PIK3R3: variants seen among roughly 807,000 people sequenced by gnomAD.
PIK3R3 encodes the protein phosphatidylinositol 3-kinase regulatory subunit gamma.
In PIK3R3, 64 loss-of-function variants were observed where a neutral mutation model predicts 62.9. That is an observed-to-expected ratio of 1.02 (90% confidence interval 0.83 to 1.25). The LOEUF is 1.25. Among genes scored for constraint, PIK3R3 ranks in the 50% most tolerant of loss-of-function variants. The pLI, the probability that PIK3R3 is intolerant of heterozygous loss-of-function variation, is 0.00. For synonymous variants in PIK3R3, 165 were observed against 189.0 expected (o/e 0.87, Z 1.04); for missense variants, 614 against 561.6 (o/e 1.09, Z -0.94).
rs1646993833 is a variant in PIK3R3 at position 46,041,388 on chromosome 1, A to T, written c.*2285T>A. 5.8e-6 allele frequency: 1 copy of T among 171,360 alleles called. No homozygotes were observed. The highest frequency in any genetic ancestry group is 1.3e-5 in the Non-Finnish European group (1 of 78,820). 10.6% of individuals were successfully genotyped at this position (171,360 alleles called of 1,614,324 possible). On this transcript the variant is annotated 3_prime_UTR_variant, in exon 10 of 10. Transcript: ENST00000262741. ...CAAGAATGAAAAAAAAAATGAAGGA[A>T]TGTAGGACTGAAAAAAAGCAGCCCT...
chr1:46,063,978 TGA>T (rs1648756958), intron 5 of PIK3R3, among the ~76,000 whole-genome samples: 1 of 151,616 alleles, frequency 6.6e-6, no homozygotes, highest in African/African-American at 2.4e-5. Flanking sequence ...TTTGGGAGGC[TGA>T]GTCGGGTCGA....
At chr1:46,156,420 C>T in the PIK3R3 span, among the ~76,000 whole-genome samples, 5 of 146,428 alleles carry the variant, frequency 3.4e-5, no homozygotes, top group Non-Finnish European at 4.4e-5. Flanking sequence ...GATCGTGCCA[C>T]TGTACTCCAG....
the PIK3R3 span, among the ~76,000 whole-genome samples, chr1:46,148,736 A>C: frequency 1.8e-4 from 26 of 146,162 alleles, no homozygotes; most frequent in Non-Finnish European, 3.4e-4. Context: ...TGCTTCTCCA[A>C]GATTTTGGAG....
chr1:46,114,757 A>G (rs909097378), intron 1 of PIK3R3, among the ~76,000 whole-genome samples: 1 of 139,716 alleles, frequency 7.2e-6, no homozygotes, highest in Admixed American at 7.6e-5. Flanking sequence ...GGCATACACC[A>G]CCAAGCCTCA....
In PIK3R3 at chr1:46,046,584, A is replaced by C; in HGVS notation, c.983T>G (p.Val328Gly). The C allele has an allele frequency of 1.2e-6, 2 of 1,613,634 alleles. No individual in the cohort carries two copies. Among genetic ancestry groups the C allele is most frequent in the South Asian group, 1.1e-5 (1 of 91,070 alleles). ...HKGVRQKRLN[V>G]WLGIKNEDAD... Reference sequence around the variant, plus strand: ...ATCCTCATTCTTAATTCCCAGCCAGACATTCAGGCGTTTCTGTCTCACTCC... The same window carrying C: ...ATCCTCATTCTTAATTCCCAGCCAGCCATTCAGGCGTTTCTGTCTCACTCC... Residue 328 changes from valine to glycine, a missense_variant, in exon 8 of 10, where the codon GTC becomes GGC. Physicochemically the swap from Val to Gly is moderately radical, Grantham distance 109. Transcript: ENST00000262741.
chr1:46,086,988 C>A (rs1157270028), intron 1 of PIK3R3, among the ~76,000 whole-genome samples: 1 of 152,086 alleles, frequency 6.6e-6, no homozygotes, highest in Admixed American at 6.5e-5. Flanking sequence ...AGGACATAAA[C>A]CATCATTCTG....
At chr1:46,051,188 C>T (rs1300671861) in intron 7 of PIK3R3, among the ~76,000 whole-genome samples, 2 of 151,576 alleles carry the variant, frequency 1.3e-5, no homozygotes, top group African/African-American at 2.4e-5. Context: ...GAACTGTATG[C>T]GATGTAAACT....
chr1:46,080,651 TC>T lies in PIK3R3; in HGVS notation c.205del (p.Asp69IlefsTer7). The T allele has an allele frequency of 3.8e-6, 6 of 1,592,510 alleles. No homozygotes were observed. The highest frequency in any genetic ancestry group is 1.3e-5 in the African/African-American group (1 of 74,450). ...GTAGCATTCTAGTTACCTTGAAATATCCCCCCAGTACCATTCTGCATCCTGA... is the reference window on the plus strand; with the variant it reads ...GTAGCATTCTAGTTACCTTGAAATATCCCCCAGTACCATTCTGCATCCTGA... ...SLQDAEWYWG[D>X]ISREEVNDKL... is the part of the protein sequence containing the mutation. On this transcript the variant is annotated frameshift_variant, in exon 2 of 10. Coordinates refer to ENST00000262741, the MANE Select transcript of PIK3R3 (RefSeq NM_003629.4). LOFTEE classifies it high-confidence loss of function.
chr1:46,053,354 T>C (rs1255638207), intron 7 of PIK3R3, among the ~76,000 whole-genome samples: 1 of 152,206 alleles, frequency 6.6e-6, no homozygotes. Context: ...ATTTAGTTTA[T>C]ACAACCCATT....
the PIK3R3 span, among the ~76,000 whole-genome samples, chr1:46,171,705 CG>C: frequency 3.3e-5 from 5 of 152,048 alleles, no homozygotes. Flanking sequence ...AGGAAAATCT[CG>C]GGGGCAGGAG....
chr1:46,050,997 A>G (rs1282817425), intron 7 of PIK3R3, among the ~76,000 whole-genome samples: 2 of 152,240 alleles, frequency 1.3e-5, no homozygotes, highest in African/African-American at 2.4e-5. Flanking sequence ...CAGAATAGAC[A>G]AATCCATAGA....
chr1:46,071,846 T>G (rs1213685291), intron 3 of PIK3R3, among the ~76,000 whole-genome samples: 1 of 147,346 alleles, frequency 6.8e-6, no homozygotes. Context: ...AAATACAAAC[T>G]CCCAAGTTTT....
At chr1:46,089,896 T>C (rs1279149965) in intron 1 of PIK3R3, among the ~76,000 whole-genome samples, 1 of 151,792 alleles carries the variant, frequency 6.6e-6, no homozygotes, top group Admixed American at 6.6e-5. Context: ...TAAATCACTA[T>C]CTTCCTTAGA....
intron 1 of PIK3R3, among the ~76,000 whole-genome samples, chr1:46,108,156 T>G (rs1334184005): frequency 6.6e-6 from 1 of 152,244 alleles, no homozygotes; most frequent in African/African-American, 2.4e-5. Flanking sequence ...ATACAGCACT[T>G]TTATTACCTT....
intron 3 of PIK3R3, among the ~76,000 whole-genome samples, chr1:46,073,888 C>A (rs1223800476): frequency 2.0e-5 from 3 of 150,000 alleles, no homozygotes; most frequent in African/African-American, 7.3e-5. Context: ...CCTGCCTTGG[C>A]CTCCCAAAGT....
chr1:46,132,411 G>A lies in PIK3R3; in HGVS notation c.-459C>T, dbSNP rs561795080. The A allele has an allele frequency of 3.7e-5, 42 of 1,145,276 alleles. No individual in the cohort carries two copies. The highest frequency in any genetic ancestry group is 4.1e-4 in the Middle Eastern group (1 of 2,430). The allele number at this position is 1,145,276 out of a possible 1,614,324, so 70.9% of individuals were successfully genotyped here. ...ACAAAGGAAGGCAAAAAAGGGGGCT[G>A]GAGATTGCGTTCAAGTTTCGGGGTC... On this transcript the variant is annotated 5_prime_UTR_variant, in exon 1 of 10. Coordinates refer to ENST00000262741, the MANE Select transcript of PIK3R3 (RefSeq NM_003629.4).
chr1:46,119,577 T>C (rs988241793), intron 1 of PIK3R3, among the ~76,000 whole-genome samples: 1 of 152,162 alleles, frequency 6.6e-6, no homozygotes, highest in Non-Finnish European at 1.5e-5. Flanking sequence ...AATCAATACT[T>C]AGGCACATCA....
At chr1:46,160,323 GGAA>G in the PIK3R3 span, among the ~76,000 whole-genome samples, 3 of 152,274 alleles carry the variant, frequency 2.0e-5, no homozygotes, top group African/African-American at 7.2e-5. Flanking sequence ...TATAAAACAT[GGAA>G]GAAGAAGATG....
chr1:46,048,874 C>T (rs1299816707), intron 7 of PIK3R3, among the ~76,000 whole-genome samples: 1 of 152,126 alleles, frequency 6.6e-6, no homozygotes, highest in Non-Finnish European at 1.5e-5. Flanking sequence ...ATTAACAATG[C>T]CAGGAGTTGA....
Sources: allele counts gnomAD v4.1 joint callset (sites outside exome capture counted in the v4.1 genomes callset), GRCh38; gene constraint gnomAD v4.1.1; transcripts MANE v1.5; gene names NCBI Gene and HGNC (gene_info 2026-07-23, HGNC 2026-07-21).